Variants in SPATA22 observed in about 807,000 individuals in gnomAD.
The protein encoded by SPATA22 is spermatogenesis associated 22.
In SPATA22, 29 loss-of-function variants were observed where a neutral mutation model predicts 47.8. That is an observed-to-expected ratio of 0.61 (90% CI 0.45 to 0.83). SPATA22 has a LOEUF of 0.83. Ranked by LOEUF, SPATA22 falls within the 40% of genes least tolerant of loss-of-function variation. The pLI is 0.00. For synonymous variants in SPATA22, 133 were observed against 140.9 expected, an observed-to-expected ratio of 0.94 and a Z score of 0.40; for missense variants, 410 against 421.7, an observed-to-expected ratio of 0.97 and a Z score of 0.24.
intron 3 of SPATA22, among the ~76,000 whole-genome samples, chr17:3,463,333 C>T (rs2073173789): frequency 1.3e-5 from 2 of 152,162 alleles, no homozygotes; most frequent in South Asian, 4.1e-4. Context: ...GTACAGCTTG[C>T]TACACACCTA....
At chr17:3,456,770 C>T (rs956286339) in intron 5 of SPATA22, among the ~76,000 whole-genome samples, 3 of 151,706 alleles carry the variant, frequency 2.0e-5, no homozygotes, top group African/African-American at 7.3e-5. Flanking sequence ...GACCAATATC[C>T]TTGATGAACA....
intron 5 of SPATA22, among the ~76,000 whole-genome samples, chr17:3,460,792 CAAAAAA>C (rs71379504): frequency 3.3e-5 from 2 of 60,098 alleles, no homozygotes; most frequent in Non-Finnish European, 5.5e-5. Context: ...GATCCAGTCT[CAAAAAA>C]AAAAAAAAAA....
Position 3,462,694 on chromosome 17 carries a change from T to C in SPATA22, c.233+13A>G. ...ACAGACACACATCCAATGGTTTATA[T>C]TTCTCCACATACCCGGTGTCCACTG... On this transcript the variant is annotated intron_variant, in intron 4 of 8. Transcript: ENST00000572969. The C allele has an allele frequency of 6.2e-7, 1 of 1,609,112 alleles. No individual in the cohort carries two copies.
chr17:3,486,519 C>G (rs1471850434), intron 1 of SPATA22, among the ~76,000 whole-genome samples: 1 of 152,200 alleles, frequency 6.6e-6, no homozygotes, highest in East Asian at 1.9e-4. Flanking sequence ...GTGACTTCAT[C>G]TTTACCTTCT....
intron 1 of SPATA22, among the ~76,000 whole-genome samples, chr17:3,484,763 C>T (rs1465355538): frequency 2.0e-5 from 3 of 152,140 alleles, no homozygotes; most frequent in Non-Finnish European, 4.4e-5. Flanking sequence ...TCGCCTGGGA[C>T]CAGCAGCAGA....
intron 1 of SPATA22, chr17:3,494,246 C>T: frequency 1.2e-6 from 1 of 810,904 alleles, no homozygotes; most frequent in Non-Finnish European, 2.2e-6. Flanking sequence ...TCAGGTGATC[C>T]ACCCAACTCG....
At chr17:3,456,478 C>T (rs546198884) in intron 5 of SPATA22, among the ~76,000 whole-genome samples, 1 of 149,672 alleles carries the variant, frequency 6.7e-6, no homozygotes, top group Non-Finnish European at 1.5e-5. Flanking sequence ...AACACATACA[C>T]TCTCCCAAGA....
At chr17:3,502,668 C>CT (rs1174796388) in intron 1 of SPATA22, 1 of 152,236 alleles carries the variant, frequency 6.6e-6, no homozygotes, top group Non-Finnish European at 1.5e-5. Flanking sequence ...CACAGCATTG[C>CT]TACTGTGGCA....
chr17:3,465,320 G>T (rs1191633719), intron 3 of SPATA22, among the ~76,000 whole-genome samples: 3 of 151,960 alleles, frequency 2.0e-5, no homozygotes, highest in African/African-American at 7.3e-5. Flanking sequence ...GACAATGGCG[G>T]TTTTGTGGAA....
intron 1 of SPATA22, among the ~76,000 whole-genome samples, chr17:3,470,383 A>G (rs1328983724): frequency 6.6e-6 from 1 of 152,212 alleles, no homozygotes; most frequent in Non-Finnish European, 1.5e-5. Flanking sequence ...AGACAGACCG[A>G]CACATACACA....
intron 1 of SPATA22, among the ~76,000 whole-genome samples, chr17:3,492,027 C>T (rs1224083490): frequency 6.6e-6 from 1 of 151,956 alleles, no homozygotes; most frequent in East Asian, 1.9e-4. Flanking sequence ...CAGGCGTGCA[C>T]CACCACACCT....
At position 3,466,822 on chromosome 17, in the gene SPATA22, T is replaced by A. The variant is rs1047628866; in HGVS notation, c.172+604A>T. ...TCACTAATCTCATTCATGAGGGCTC[T>A]GCCCTCATGACTTAATTACCTCCTG... On this transcript the variant is annotated intron_variant, in intron 3 of 8. Transcript: ENST00000572969. 1.4e-4 allele frequency among the ~76,000 whole-genome samples: 22 copies of A among 152,348 alleles called. 1 individual carries two copies. Among genetic ancestry groups the A allele is most frequent in the Admixed American group, 6.5e-4 (10 of 15,308 alleles).
rs765740893 is a variant in SPATA22 at position 3,469,348 on chromosome 17, A to G, written c.-23T>C. On this transcript the variant is annotated 5_prime_UTR_variant, in exon 2 of 9. Transcript: ENST00000572969. Reference sequence around the variant, plus strand: ...CATTTCCTTCAATATCAAAATCTATAATTTTCTATTCAGCATTCCAAATTT... The same window carrying G: ...CATTTCCTTCAATATCAAAATCTATGATTTTCTATTCAGCATTCCAAATTT... The G allele has an allele frequency of 1.3e-5, 20 of 1,544,572 alleles. No individual in the cohort carries two copies. The highest frequency in any genetic ancestry group is 1.8e-5 in the Non-Finnish European group (20 of 1,140,830).
intron 1 of SPATA22, chr17:3,481,801 A>G: frequency 1.3e-6 from 2 of 1,583,082 alleles, no homozygotes; most frequent in Non-Finnish European, 1.7e-6. Context: ...ACATTAAGGT[A>G]ATGTTAATGT....
At chr17:3,471,189 GGGAA>G (rs927304107) in intron 1 of SPATA22, among the ~76,000 whole-genome samples, 6 of 151,872 alleles carry the variant, frequency 4.0e-5, no homozygotes, top group African/African-American at 9.7e-5. Context: ...AGGGAGGGAA[GGGAA>G]GGAAGGAAGG....
intron 7 of SPATA22, among the ~76,000 whole-genome samples, chr17:3,444,410 G>C (rs181666871): frequency 2.0e-3 from 298 of 152,162 alleles, no homozygotes; most frequent in Non-Finnish European, 3.6e-3. Context: ...TATATGCAAA[G>C]ACTCATTTGT....
Position 3,446,456 on chromosome 17 carries a change from A to T in SPATA22, c.802+16T>A, listed in dbSNP as rs372459128. The T allele has an allele frequency of 6.3e-7, 1 of 1,593,736 alleles. No homozygotes were observed. The highest frequency in any genetic ancestry group is 8.5e-7 in the Non-Finnish European group (1 of 1,173,080). On this transcript the variant is annotated intron_variant, in intron 7 of 8. Transcript: ENST00000572969. ...CAGAGAGTATTACTGAAGTATTTTTAAAGTATTTTACCTACCTAATACTTC... is the reference window on the plus strand; with the variant it reads ...CAGAGAGTATTACTGAAGTATTTTTTAAGTATTTTACCTACCTAATACTTC...
intron 5 of SPATA22, among the ~76,000 whole-genome samples, chr17:3,462,060 A>G (rs1035168723): frequency 2.0e-5 from 3 of 152,122 alleles, no homozygotes; most frequent in Non-Finnish European, 4.4e-5. Context: ...TTCTTCTGCC[A>G]TTCCGTTTAC....
Position 3,458,293 on chromosome 17 carries a change from G to A in SPATA22, c.329+4190C>T, listed in dbSNP as rs142288535. Among the ~76,000 whole-genome samples, 413 of 152,144 alleles carry A rather than the reference G, an allele frequency of 2.7e-3. 2 individuals are homozygous for A. The highest frequency in any genetic ancestry group is 9.5e-3 in the African/African-American group (393 of 41,506). ...ATATATTATCAATTCACACTTGTTA[G>A]GATAGCTGTCATCAAAAATTCAAAA... On this transcript the variant is annotated intron_variant, in intron 5 of 8. Coordinates refer to ENST00000572969, the MANE Select transcript of SPATA22 (RefSeq NM_001170698.2).
Sources: gnomAD v4.1 joint callset for allele counts (sites outside exome capture counted in the v4.1 genomes callset) on GRCh38, gnomAD v4.1.1 for gene constraint, MANE v1.5 for transcripts, NCBI Gene and HGNC (gene_info 2026-07-23, HGNC 2026-07-21) for gene names.